The following PCDHA10 variants were observed in gnomAD, a reference collection of about 807,000 sequenced individuals.
PCDHA10 encodes the protein protocadherin alpha-10.
Under a neutral mutation model 61.2 loss-of-function variants are expected in PCDHA10, and 45 were observed. That is an observed-to-expected ratio of 0.74 (90% CI 0.58 to 0.94). The LOEUF is 0.94. Ranked by LOEUF, PCDHA10 falls within the 40% of genes least tolerant of loss-of-function variation. The probability of loss-of-function intolerance (pLI) is 0.00; values close to 1 mark genes in which losing one functional copy is unlikely to be tolerated. For synonymous variants in PCDHA10, 602 were observed against 548.8 expected, an observed-to-expected ratio of 1.10 and a Z score of -1.35; for missense variants, 1,278 against 1,236.2, an observed-to-expected ratio of 1.03 and a Z score of -0.51.
intron 1 of PCDHA10, among the ~76,000 whole-genome samples, chr5:140,961,949 T>G (rs868952671): frequency 2.0e-5 from 3 of 151,876 alleles, no homozygotes; most frequent in Non-Finnish European, 4.4e-5. Context: ...AGTGGCATGA[T>G]CTCGGCTCAC....
chr5:140,968,896 A>G (rs2096277975), intron 1 of PCDHA10: 1 of 1,614,240 alleles, frequency 6.2e-7, no homozygotes, highest in Non-Finnish European at 8.5e-7. Context: ...ATCTAATAAT[A>G]GCATTAAGCA....
chr5:140,896,536 CTT>C (rs34213614), intron 1 of PCDHA10, among the ~76,000 whole-genome samples: 1 of 145,640 alleles, frequency 6.9e-6, no homozygotes. Flanking sequence ...AGCTATTTTT[CTT>C]TTTTTTTTTT....
At chr5:140,927,430 A>C (rs782761686) in intron 1 of PCDHA10, 4 of 1,614,152 alleles carry the variant, frequency 2.5e-6, no homozygotes, top group Non-Finnish European at 3.4e-6. Flanking sequence ...GGTTGACGGC[A>C]GCGAATACCC....
chr5:140,896,764 G>C (rs2153454405), intron 1 of PCDHA10, among the ~76,000 whole-genome samples: 1 of 152,136 alleles, frequency 6.6e-6, no homozygotes, highest in East Asian at 1.9e-4. Context: ...GACCTTTGTT[G>C]GATGCATAGT....
At chr5:140,990,893 T>C (rs1554251806) in intron 3 of PCDHA10, among the ~76,000 whole-genome samples, 1 of 152,178 alleles carries the variant, frequency 6.6e-6, no homozygotes, top group East Asian at 1.9e-4. Context: ...GAGTGGGTCG[T>C]TGCTGGGTCA....
At chr5:140,924,906 T>A (rs199645977) in intron 1 of PCDHA10, among the ~76,000 whole-genome samples, 5,369 of 55,724 alleles carry the variant, frequency 0.096, 112 homozygotes, top group Non-Finnish European at 0.11. Context: ...AAAAAAAAAA[T>A]AAAATAAAAT....
intron 1 of PCDHA10, chr5:140,929,003 G>A: frequency 6.2e-7 from 1 of 1,614,106 alleles, no homozygotes; most frequent in South Asian, 1.1e-5. Flanking sequence ...TTCTTCGTGT[G>A]TACCAAGTTG....
At chr5:140,865,992 T>C (rs1475339451) in intron 1 of PCDHA10, 1 of 152,212 alleles carries the variant, frequency 6.6e-6, no homozygotes, top group Non-Finnish European at 1.5e-5. Flanking sequence ...CACTAAGTTT[T>C]TTTATGTTAA....
intron 3 of PCDHA10, among the ~76,000 whole-genome samples, chr5:140,997,495 C>T (rs1255911617): frequency 6.6e-6 from 1 of 152,078 alleles, no homozygotes; most frequent in East Asian, 1.9e-4. Context: ...ATTTGTGTAT[C>T]TCAACATACC....
chr5:140,884,396 C>CT, intron 1 of PCDHA10: 1 of 1,614,012 alleles, frequency 6.2e-7, no homozygotes, highest in South Asian at 1.1e-5. Flanking sequence ...GGTGTCCAGC[C>CT]TGTTGGTGCT....
At position 140,857,327 on chromosome 5, in the gene PCDHA10, C is replaced by G. The variant is rs1554149849; in HGVS notation, c.1279C>G (p.Arg427Gly). Reference protein sequence around the residue: ...VSAYELVVTARDGGSPPLWAT... With the variant: ...VSAYELVVTAGDGGSPPLWAT... ...GGCCTATGAGCTGGTGGTGACCGCGCGGGACGGGGGCTCGCCTCCGCTGTG... is the reference window on the plus strand; with the variant it reads ...GGCCTATGAGCTGGTGGTGACCGCGGGGGACGGGGGCTCGCCTCCGCTGTG... Residue 427 changes from arginine to glycine, a missense_variant, in exon 1 of 4, where the codon CGG becomes GGG. Coordinates refer to ENST00000307360, the MANE Select transcript of PCDHA10 (RefSeq NM_018901.4). 6.3e-7 allele frequency: 1 copy of G among 1,598,614 alleles called. No individual in the cohort carries two copies. The highest frequency in any genetic ancestry group is 8.6e-7 in the Non-Finnish European group (1 of 1,167,982).
chr5:140,989,727 A>G (rs1203211477), intron 3 of PCDHA10, among the ~76,000 whole-genome samples: 2 of 152,308 alleles, frequency 1.3e-5, no homozygotes, highest in East Asian at 3.9e-4. Flanking sequence ...TTTGCAGTTG[A>G]AAAGGCCATT....
chr5:140,884,586 G>A (rs782106355), intron 1 of PCDHA10: 1 of 1,614,250 alleles, frequency 6.2e-7, no homozygotes, highest in Admixed American at 1.7e-5. Flanking sequence ...ATGGCCTTCA[G>A]TCCCAGCCTT....
At position 140,856,153 on chromosome 5, in the gene PCDHA10, C is replaced by G. The variant is rs1554148270; in HGVS notation, c.105C>G (p.Tyr35Ter). 8 of 1,598,310 alleles carry G rather than the reference C, an allele frequency of 5.0e-6. 1 individual carries two copies. Among genetic ancestry groups the G allele is most frequent in the Non-Finnish European group, 6.9e-6 (8 of 1,167,862 alleles). The change falls in exon 1 of 4, where the codon TAC (tyrosine) becomes TAG (stop). Residue 35 changes from tyrosine to a stop codon, truncating the protein, a stop_gained. Transcript: ENST00000307360. LOFTEE classifies it high-confidence loss of function. The stretch of plus-strand genomic sequence containing the variant: ...GCGGCCAGCTCCACTACTCAGTCTA[C>G]GAGGAGGCCAGACACGGCACCTTCG... ...VGSGQLHYSVYEEARHGTFVG... is the reference protein window; with the variant it reads ...VGSGQLHYSV
At chr5:140,927,475 C>A in intron 1 of PCDHA10, 1 of 1,614,110 alleles carries the variant, frequency 6.2e-7, no homozygotes, top group Non-Finnish European at 8.5e-7. Flanking sequence ...GGATCGCGAA[C>A]AGCGCGCCAC....
At chr5:140,862,736 T>C in intron 1 of PCDHA10, 1 of 575,338 alleles carries the variant, frequency 1.7e-6, no homozygotes, top group South Asian at 1.4e-5. Flanking sequence ...TCTAGCTATG[T>C]GTGGGTGCAC....
chr5:140,920,630 G>A (rs937787340), intron 1 of PCDHA10, among the ~76,000 whole-genome samples: 1 of 152,060 alleles, frequency 6.6e-6, no homozygotes, highest in Non-Finnish European at 1.5e-5. Flanking sequence ...TGGATCACAA[G>A]GTCAAGAGAT....
intron 3 of PCDHA10, among the ~76,000 whole-genome samples, chr5:140,986,619 C>T (rs1212565136): frequency 6.6e-6 from 1 of 152,134 alleles, no homozygotes; most frequent in Non-Finnish European, 1.5e-5. Flanking sequence ...CAGGCCTTAC[C>T]TAAGGCAACA....
chr5:140,887,802 T>A (rs2061588161), intron 1 of PCDHA10, among the ~76,000 whole-genome samples: 1 of 152,198 alleles, frequency 6.6e-6, no homozygotes, highest in Non-Finnish European at 1.5e-5. Context: ...TTTATTTTTG[T>A]CCATTTCTTT....
Sources: gnomAD v4.1 joint callset for allele counts (sites outside exome capture counted in the v4.1 genomes callset) on GRCh38, gnomAD v4.1.1 for gene constraint, MANE v1.5 for transcripts, NCBI Gene and HGNC (gene_info 2026-07-23, HGNC 2026-07-21) for gene names.